NRG4: variants seen among roughly 807,000 people sequenced by gnomAD.
The protein encoded by NRG4 is pro-neuregulin-4, membrane-bound isoform.
NRG4 carries 10 observed loss-of-function variants against 15.0 expected under a neutral mutation model. The observed-to-expected ratio is 0.67, with a 90% CI of 0.41 to 1.13. The LOEUF (loss-of-function observed/expected upper bound fraction) is 1.13, where lower values mean the gene tolerates loss of function less well. Ranked by LOEUF, NRG4 falls within the 50% of genes most tolerant of loss-of-function variation. The pLI is 0.00. For missense variants in NRG4, 139 were observed against 140.2 expected, an observed-to-expected ratio of 0.99 and a Z score of 0.04; for synonymous variants, 41 against 50.1, an observed-to-expected ratio of 0.82 and a Z score of 0.77.
At chr15:76,012,729 G>A (rs180812349), upstream of NRG4, among the ~76,000 whole-genome samples, 182 of 152,032 alleles carry the variant, frequency 1.2e-3, 1 homozygote, top group African/African-American at 4.1e-3. Context: ...ATAGATAAGT[G>A]TTTCACAAAT....
upstream of NRG4, among the ~76,000 whole-genome samples, chr15:76,016,994 T>C (rs1196575896): frequency 6.6e-6 from 1 of 152,142 alleles, no homozygotes; most frequent in Non-Finnish European, 1.5e-5. Context: ...ACTTGCTTTA[T>C]GGATCTGGGT....
chr15:75,971,826 C>T (rs7183815), intron 3 of NRG4, among the ~76,000 whole-genome samples: 25,849 of 152,078 alleles, frequency 0.17, 2,439 homozygotes, highest in Admixed American at 0.28. Context: ...CCACAATAAA[C>T]ATACGTGTGC....
chr15:75,957,470 C>G (rs919439549), intron 4 of NRG4, among the ~76,000 whole-genome samples: 1 of 152,204 alleles, frequency 6.6e-6, no homozygotes, highest in Non-Finnish European at 1.5e-5. Context: ...GAGAAGTCAG[C>G]TGTTGGTTTA....
chr15:75,951,171 T>C (rs1218477609), intron 5 of NRG4: 3 of 133,880 alleles, frequency 2.2e-5, no homozygotes, highest in African/African-American at 8.4e-5. Context: ...TTCTTTTTTT[T>C]TTTTTTTTTT....
upstream of NRG4, among the ~76,000 whole-genome samples, chr15:76,015,593 A>G (rs1384028990): frequency 1.3e-5 from 2 of 152,156 alleles, no homozygotes; most frequent in East Asian, 1.9e-4. Flanking sequence ...TTCTGCATCT[A>G]TTGAGATACT....
chr15:76,000,191 C>A (rs1010301981), intron 3 of NRG4, among the ~76,000 whole-genome samples: 2 of 151,996 alleles, frequency 1.3e-5, no homozygotes, highest in African/African-American at 4.8e-5. Flanking sequence ...GCTGGAAAGT[C>A]TTTTTTAAAA....
At chr15:75,971,087 G>C (rs2033068896) in intron 3 of NRG4, 2 of 278,918 alleles carry the variant, frequency 7.2e-6, no homozygotes, top group South Asian at 6.6e-5. Context: ...ATTTTGTCCA[G>C]TATAATAAAA....
chr15:76,055,797 T>A (rs1007517927), intron 2 of NRG4, among the ~76,000 whole-genome samples: 27 of 152,228 alleles, frequency 1.8e-4, no homozygotes, highest in African/African-American at 6.5e-4. Flanking sequence ...CAGTTTAGAA[T>A]TACTGGTACA....
chr15:76,002,929 A>G (rs994424766), intron 3 of NRG4, among the ~76,000 whole-genome samples: 1 of 152,162 alleles, frequency 6.6e-6, no homozygotes, highest in Admixed American at 6.5e-5. Context: ...TGGGCAAAAT[A>G]TCAGTCTGGA....
intron 4 of NRG4, among the ~76,000 whole-genome samples, chr15:76,042,881 G>T (rs2035778793): frequency 6.6e-6 from 1 of 151,900 alleles, no homozygotes; most frequent in Non-Finnish European, 1.5e-5. Context: ...CAATAGCCCG[G>T]GTTAACACTC....
At chr15:76,035,884 T>C (rs1456678502) in intron 5 of NRG4, 1 of 152,196 alleles carries the variant, frequency 6.6e-6, no homozygotes, top group African/African-American at 2.4e-5. Flanking sequence ...ACCTGAGGTA[T>C]TTCTGAAATA....
chr15:76,009,823 T>A (rs2034742063), intron 2 of NRG4, among the ~76,000 whole-genome samples: 1 of 152,174 alleles, frequency 6.6e-6, no homozygotes, highest in South Asian at 2.1e-4. Flanking sequence ...AATAAACTTA[T>A]AAGGTGTTGA....
intron 3 of NRG4, 49 bp from the exon 4 acceptor site, chr15:75,962,023 C>G: frequency 7.1e-7 from 1 of 1,411,716 alleles, no homozygotes. Context: ...GTTTCATTAG[C>G]TAGTTTGGAA....
intron 3 of NRG4, among the ~76,000 whole-genome samples, chr15:75,981,719 T>C (rs763851605): frequency 3.5e-4 from 53 of 152,176 alleles, no homozygotes; most frequent in Admixed American, 2.4e-3. Flanking sequence ...ATGGTCGTTT[T>C]TGAAGCTACT....
At chr15:75,976,277 G>A (rs1262903305) in intron 3 of NRG4, among the ~76,000 whole-genome samples, 2 of 152,106 alleles carry the variant, frequency 1.3e-5, no homozygotes, top group African/African-American at 2.4e-5. Flanking sequence ...TATTGGGTTA[G>A]AACATGCTCG....
chr15:75,975,156 G>A (rs2033308315), intron 3 of NRG4, among the ~76,000 whole-genome samples: 1 of 152,082 alleles, frequency 6.6e-6, no homozygotes, highest in Non-Finnish European at 1.5e-5. Flanking sequence ...TGTTTTATCG[G>A]AGACTAAGAT....
At chr15:75,952,983 G>A (rs899904792) in intron 5 of NRG4, among the ~76,000 whole-genome samples, 1 of 151,920 alleles carries the variant, frequency 6.6e-6, no homozygotes, top group Non-Finnish European at 1.5e-5. Flanking sequence ...CTTTCTTGAG[G>A]GTATCCTTGG....
In NRG4 at chr15:76,009,240, GCCCC is replaced by G. The variant is rs1391514057; in HGVS notation, c.60_63del (p.Gly21PhefsTer4). On this transcript the variant is annotated frameshift_variant, in exon 3 of 6. Coordinates refer to ENST00000394907, the MANE Select transcript of NRG4 (RefSeq NM_138573.4). LOFTEE classifies it high-confidence loss of function. ...GGAATAGTAGGTATCACATAACAAA[GCCCC>G]CCATTCAGGCAAAACGACTTGTGAC... 3.1e-6 allele frequency: 5 copies of G among 1,603,622 alleles called. No individual in the cohort carries two copies. Among genetic ancestry groups the G allele is most frequent in the Non-Finnish European group, 4.3e-6 (5 of 1,171,786 alleles).
Position 75,967,151 on chromosome 15 carries a change from CAACA to C in NRG4, c.105-5181_105-5178del, listed in dbSNP as rs1157708702. On this transcript the variant is annotated intron_variant, in intron 3 of 5. Coordinates refer to ENST00000394907, the MANE Select transcript of NRG4 (RefSeq NM_138573.4). Reference sequence around the variant, plus strand: ...AAAAAAAAAGTCTACAGCCATATAACAACAAACAAATGTTGCCAAAATCCTATGA... The same window carrying C: ...AAAAAAAAAGTCTACAGCCATATAACAACAAATGTTGCCAAAATCCTATGA... Among the ~76,000 whole-genome samples, 24 of 138,344 alleles carry C rather than the reference CAACA, an allele frequency of 1.7e-4. No individual in the cohort carries two copies. The East Asian group carries it at 5.0e-3, about 29-fold the overall frequency. 90.8% of individuals were successfully genotyped at this position (138,344 alleles called of 152,430 possible). A position where few individuals can be genotyped will look rare whatever the true frequency, so the allele number is the denominator to read the frequency against.
Sources: gnomAD v4.1 joint callset for allele counts (sites outside exome capture counted in the v4.1 genomes callset) on GRCh38, gnomAD v4.1.1 for gene constraint, MANE v1.5 for transcripts, NCBI Gene and HGNC (gene_info 2026-07-23, HGNC 2026-07-21) for gene names.